The following DCDC2C variants were observed in gnomAD, a reference collection of about 807,000 sequenced individuals.
DCDC2C encodes the protein doublecortin domain-containing protein 2C.
Under a neutral mutation model 45.0 loss-of-function variants are expected in DCDC2C, and 44 were observed. That is an observed-to-expected ratio of 0.98 (90% CI 0.77 to 1.26). The LOEUF is 1.26. Among genes scored for constraint, DCDC2C ranks in the 50% most tolerant of loss-of-function variants. DCDC2C has a pLI of 0.00. For missense variants in DCDC2C, 447 were observed against 468.9 expected (o/e 0.95, Z 0.43); for synonymous variants, 187 against 178.8 (o/e 1.05, Z -0.37).
At chr2:3,798,301 T>C (rs1242052564) in intron 10 of DCDC2C, among the ~76,000 whole-genome samples, 2 of 151,574 alleles carry the variant, frequency 1.3e-5, no homozygotes, top group Non-Finnish European at 1.5e-5. Context: ...TACAGCACAC[T>C]GATGGGTCTT....
chr2:3,793,751 G>A (rs190353953), intron 10 of DCDC2C, among the ~76,000 whole-genome samples: 3 of 152,256 alleles, frequency 2.0e-5, no homozygotes, highest in African/African-American at 7.2e-5. Context: ...CACAGATGCA[G>A]CAAGGTGTAG....
chr2:3,772,456 C>G (rs986465567), intron 8 of DCDC2C, among the ~76,000 whole-genome samples: 8 of 152,144 alleles, frequency 5.3e-5, no homozygotes, highest in Admixed American at 2.0e-4. Flanking sequence ...TTCCTTTATT[C>G]CAGTGTCTAG....
intron 8 of DCDC2C, among the ~76,000 whole-genome samples, chr2:3,773,023 A>G (rs1022229669): frequency 2.0e-5 from 3 of 152,190 alleles, no homozygotes; most frequent in Admixed American, 6.5e-5. Context: ...CAGTGATCTC[A>G]GTTACCTGGG....
At chr2:3,786,067 A>G (rs949508602) in intron 10 of DCDC2C, among the ~76,000 whole-genome samples, 3 of 152,242 alleles carry the variant, frequency 2.0e-5, no homozygotes, top group African/African-American at 7.2e-5. Context: ...TCTTATTGTT[A>G]GAAATAGCTG....
intron 2 of DCDC2C, among the ~76,000 whole-genome samples, chr2:3,716,535 G>A (rs1343785161): frequency 6.6e-6 from 1 of 152,220 alleles, no homozygotes; most frequent in African/African-American, 2.4e-5. Context: ...CTCTTTAAAT[G>A]AGTTTTGCTC....
chr2:3,790,899 G>C (rs1261616519), intron 10 of DCDC2C, among the ~76,000 whole-genome samples: 1 of 152,136 alleles, frequency 6.6e-6, no homozygotes, highest in Non-Finnish European at 1.5e-5. Flanking sequence ...ACGAGGTCAG[G>C]AGATCGAGAC....
chr2:3,704,258 C>A lies in DCDC2C; in HGVS notation c.287+220C>A, dbSNP rs574228957. The A allele has an allele frequency of 1.1e-3, 460 of 403,566 alleles. 3 individuals are homozygous for A. The highest frequency in any genetic ancestry group is 8.2e-3 in the African/African-American group (395 of 48,430). The allele number at this position is 403,566 out of a possible 1,614,324, so 25.0% of individuals were successfully genotyped here. On this transcript the variant is annotated intron_variant, in intron 1 of 10. Coordinates refer to ENST00000399143, the MANE Select transcript of DCDC2C (RefSeq NM_001287444.2). Reference sequence around the variant, plus strand: ...GGCAGCCCCGCCCCCAGGGTCCCTTCCTATGGGGCAGGGCGGGCCCTGGCC... The same window carrying A: ...GGCAGCCCCGCCCCCAGGGTCCCTTACTATGGGGCAGGGCGGGCCCTGGCC...
At chr2:3,708,647 T>C in intron 2 of DCDC2C, 47 bp downstream of exon 2, 1 of 1,407,092 alleles carries the variant, frequency 7.1e-7, no homozygotes, top group South Asian at 1.3e-5. Flanking sequence ...ATTGGCCAAC[T>C]TGGTAAAAAT....
chr2:3,830,185 A>G (rs150745356), intron 10 of DCDC2C, among the ~76,000 whole-genome samples: 144 of 152,356 alleles, frequency 9.5e-4, no homozygotes, highest in Admixed American at 1.8e-3. Context: ...GTTTGTGCTT[A>G]CATATCAATC....
At chr2:3,801,885 T>C (rs1381255188) in intron 10 of DCDC2C, among the ~76,000 whole-genome samples, 1 of 152,248 alleles carries the variant, frequency 6.6e-6, no homozygotes, top group Non-Finnish European at 1.5e-5. Context: ...GACGGGACAC[T>C]ACTGGGGGTA....
At position 3,836,025 on chromosome 2, in the gene DCDC2C, T is replaced by G. The variant is rs142483835; in HGVS notation, c.1066-11129T>G. On this transcript the variant is annotated intron_variant, in intron 10 of 10. Transcript: ENST00000399143. ...TCCCAAAGTGCTGGGTTTACAGGAA[T>G]AAGCCACTGTGGCCAGCCAAAATCA... Among the ~76,000 whole-genome samples the G allele has an allele frequency of 6.6e-5, 10 of 152,308 alleles. No homozygotes were observed. The East Asian group carries it at 1.9e-3, about 29-fold the overall frequency.
chr2:3,743,737 A>G (rs1321990112), intron 4 of DCDC2C, among the ~76,000 whole-genome samples: 1 of 152,238 alleles, frequency 6.6e-6, no homozygotes, highest in Non-Finnish European at 1.5e-5. Context: ...TATGGGATTC[A>G]GCAAAACCAG....
At chr2:3,820,610 A>G (rs1671664658) in intron 10 of DCDC2C, among the ~76,000 whole-genome samples, 2 of 152,140 alleles carry the variant, frequency 1.3e-5, no homozygotes, top group Non-Finnish European at 2.9e-5. Context: ...CTGTCTTCCC[A>G]AGTCCGTGAC....
At chr2:3,805,115 A>T (rs1671206832) in intron 10 of DCDC2C, among the ~76,000 whole-genome samples, 1 of 152,202 alleles carries the variant, frequency 6.6e-6, no homozygotes, top group Admixed American at 6.5e-5. Context: ...AGGGCCAATG[A>T]CAACTGACAC....
chr2:3,802,633 C>T (rs1305833164), intron 10 of DCDC2C, among the ~76,000 whole-genome samples: 1 of 152,150 alleles, frequency 6.6e-6, no homozygotes, highest in Non-Finnish European at 1.5e-5. Flanking sequence ...CCTATGTCCT[C>T]ATGTGGTGGA....
intron 2 of DCDC2C, among the ~76,000 whole-genome samples, chr2:3,713,458 T>C (rs886843902): frequency 1.3e-5 from 2 of 152,078 alleles, no homozygotes; most frequent in African/African-American, 4.8e-5. Flanking sequence ...CTCCACCTCT[T>C]TCTAGGGTGA....
chr2:3,806,961 C>G (rs947554473), intron 10 of DCDC2C, among the ~76,000 whole-genome samples: 2 of 152,178 alleles, frequency 1.3e-5, no homozygotes, highest in African/African-American at 4.8e-5. Flanking sequence ...AATTCCTGGA[C>G]TGCGTTCTGA....
intron 10 of DCDC2C, among the ~76,000 whole-genome samples, chr2:3,842,671 A>G (rs573159618): frequency 1.3e-4 from 19 of 150,670 alleles, no homozygotes; most frequent in African/African-American, 4.6e-4. Context: ...TCCAAATCTC[A>G]GTGGCTTTAC....
intron 5 of DCDC2C, among the ~76,000 whole-genome samples, chr2:3,753,757 G>A (rs868616160): frequency 2.0e-5 from 3 of 152,102 alleles, no homozygotes; most frequent in East Asian, 1.9e-4. Flanking sequence ...CGCAGCGTCC[G>A]GGATGGCCTC....
Sources: gnomAD v4.1 joint callset for allele counts (sites outside exome capture counted in the v4.1 genomes callset) on GRCh38, gnomAD v4.1.1 for gene constraint, MANE v1.5 for transcripts, NCBI Gene and HGNC (gene_info 2026-07-23, HGNC 2026-07-21) for gene names.